THSD7B: variants seen among roughly 807,000 people sequenced by gnomAD.
THSD7B encodes thrombospondin type-1 domain-containing protein 7B.
In THSD7B, 138 loss-of-function variants were observed where a neutral mutation model predicts 213.6. That is an observed-to-expected ratio of 0.65 (90% CI 0.56 to 0.74). The LOEUF is 0.74. Ranked by LOEUF, THSD7B falls within the 30% of genes least tolerant of loss-of-function variation. The pLI, the probability that THSD7B is intolerant of heterozygous loss-of-function variation, is 0.00. For synonymous variants in THSD7B, 742 were observed against 687.0 expected, an observed-to-expected ratio of 1.08 and a Z score of -1.25; for missense variants, 1,931 against 1,991.5, an observed-to-expected ratio of 0.97 and a Z score of 0.58.
At chr2:137,660,093 A>G (rs1201061775) in intron 25 of THSD7B, among the ~76,000 whole-genome samples, 3 of 152,210 alleles carry the variant, frequency 2.0e-5, no homozygotes, top group Non-Finnish European at 4.4e-5. Context: ...CATATTTGCT[A>G]AAGTTATTAT....
intron 12 of THSD7B, among the ~76,000 whole-genome samples, chr2:137,336,337 C>T (rs1442473387): frequency 6.6e-6 from 1 of 152,202 alleles, no homozygotes; most frequent in Non-Finnish European, 1.5e-5. Flanking sequence ...ATGATGGCAT[C>T]TGTCTTTACT....
At chr2:137,332,461 CA>C (rs1473823012) in intron 12 of THSD7B, among the ~76,000 whole-genome samples, 1 of 152,082 alleles carries the variant, frequency 6.6e-6, no homozygotes, top group African/African-American at 2.4e-5. Flanking sequence ...TTTACAGGCT[CA>C]GAGGTGGAAA....
intron 10 of THSD7B, among the ~76,000 whole-genome samples, chr2:137,264,367 C>T (rs965795978): frequency 2.0e-5 from 3 of 151,946 alleles, no homozygotes; most frequent in African/African-American, 4.8e-5. Context: ...ATTCTCCTGC[C>T]TCACCCTCCT....
At chr2:136,775,180 G>A (rs554489624) in intron 1 of THSD7B, among the ~76,000 whole-genome samples, 9 of 152,166 alleles carry the variant, frequency 5.9e-5, no homozygotes, top group South Asian at 2.1e-4. Flanking sequence ...TTTTTGGATC[G>A]TTGCCACCTT....
rs1049123078 is a variant in THSD7B, at chr2:137,186,589, T to C, written c.1723+15651T>C. On this transcript the variant is annotated intron_variant, in intron 7 of 27. Transcript: ENST00000409968. Reference sequence around the variant, plus strand: ...ATCTTTTTGTCTGTGTTTGTACCCATACTATGTTGGTTTGATTACTGTTGT... The same window carrying C: ...ATCTTTTTGTCTGTGTTTGTACCCACACTATGTTGGTTTGATTACTGTTGT... Among the ~76,000 whole-genome samples the C allele has an allele frequency of 5.3e-5, 8 of 152,190 alleles. No individual in the cohort carries two copies. The East Asian group carries it at 1.5e-3, about 29-fold the overall frequency.
chr2:137,438,666 G>A (rs1157220603), intron 14 of THSD7B, among the ~76,000 whole-genome samples: 2 of 151,996 alleles, frequency 1.3e-5, no homozygotes, highest in South Asian at 2.1e-4. Flanking sequence ...CGTTGAGGTG[G>A]GATATAAGCC....
At chr2:137,412,884 TC>T (rs1162272008) in intron 14 of THSD7B, among the ~76,000 whole-genome samples, 1 of 146,742 alleles carries the variant, frequency 6.8e-6, no homozygotes, top group Non-Finnish European at 1.5e-5. Flanking sequence ...GCTCTGTTTT[TC>T]TTTCTTTCTT....
intron 2 of THSD7B, among the ~76,000 whole-genome samples, chr2:137,009,323 T>A (rs1686179093): frequency 1.3e-5 from 2 of 152,172 alleles, no homozygotes; most frequent in Admixed American, 6.5e-5. Context: ...ACAGCAGTAT[T>A]TTTCAATCTT....
chr2:137,220,338 A>T (rs1249919116), intron 7 of THSD7B, among the ~76,000 whole-genome samples: 1 of 151,508 alleles, frequency 6.6e-6, no homozygotes, highest in Non-Finnish European at 1.5e-5. Context: ...ACTCAACAAT[A>T]AAAAAAAATC....
chr2:136,791,394 T>C (rs1375582528), intron 1 of THSD7B, among the ~76,000 whole-genome samples: 1 of 151,944 alleles, frequency 6.6e-6, no homozygotes, highest in Non-Finnish European at 1.5e-5. Context: ...CCAAAGAGTT[T>C]ACCCATTTAA....
At chr2:137,280,759 T>G (rs1190194630) in intron 12 of THSD7B, among the ~76,000 whole-genome samples, 2 of 152,110 alleles carry the variant, frequency 1.3e-5, no homozygotes, top group African/African-American at 4.8e-5. Flanking sequence ...GGAAGAAACT[T>G]AAACATAATA....
chr2:136,913,508 C>A (rs867570637), intron 2 of THSD7B, among the ~76,000 whole-genome samples: 1 of 152,242 alleles, frequency 6.6e-6, no homozygotes, highest in Non-Finnish European at 1.5e-5. Flanking sequence ...GCCTTCATGG[C>A]AGCCCCTCCC....
At chr2:137,250,610 C>A (rs1474713977) in intron 10 of THSD7B, among the ~76,000 whole-genome samples, 1 of 152,174 alleles carries the variant, frequency 6.6e-6, no homozygotes, top group Non-Finnish European at 1.5e-5. Context: ...GCTGAATGAT[C>A]CTGCGTTTCA....
intron 1 of THSD7B, among the ~76,000 whole-genome samples, chr2:136,779,186 CTA>C (rs58403336): frequency 0.17 from 23,882 of 141,258 alleles, 2,466 homozygotes; most frequent in Admixed American, 0.24. Context: ...TGTTAAAAGG[CTA>C]TATATATATA....
intron 17 of THSD7B, among the ~76,000 whole-genome samples, chr2:137,576,416 G>A (rs902594802): frequency 2.0e-5 from 3 of 152,092 alleles, no homozygotes; most frequent in Admixed American, 6.6e-5. Flanking sequence ...CCTTCACATA[G>A]TGGGAATTAG....
intron 27 of THSD7B, among the ~76,000 whole-genome samples, chr2:137,672,789 T>A (rs1271224806): frequency 6.6e-6 from 1 of 152,182 alleles, no homozygotes; most frequent in Non-Finnish European, 1.5e-5. Flanking sequence ...GTCAAAAAAA[T>A]AGCCTTCTAA....
intron 1 of THSD7B, among the ~76,000 whole-genome samples, chr2:136,767,800 T>C (rs1457927865): frequency 1.3e-5 from 2 of 152,190 alleles, no homozygotes; most frequent in Non-Finnish European, 2.9e-5. Flanking sequence ...CTACTGTTGG[T>C]GGACTTTGAT....
At chr2:137,425,867 C>T (rs1687043998) in intron 14 of THSD7B, among the ~76,000 whole-genome samples, 2 of 152,038 alleles carry the variant, frequency 1.3e-5, no homozygotes, top group Non-Finnish European at 2.9e-5. Context: ...AAGTTAAAGG[C>T]ATCAAAAACA....
At chr2:136,823,609 A>G (rs1007726444) in intron 1 of THSD7B, among the ~76,000 whole-genome samples, 1 of 151,980 alleles carries the variant, frequency 6.6e-6, no homozygotes, top group Non-Finnish European at 1.5e-5. Flanking sequence ...TTTTCATGAC[A>G]TTCCCATTTG....
Sources: gnomAD v4.1 joint callset for allele counts (sites outside exome capture counted in the v4.1 genomes callset) on GRCh38, gnomAD v4.1.1 for gene constraint, MANE v1.5 for transcripts, NCBI Gene and HGNC (gene_info 2026-07-23, HGNC 2026-07-21) for gene names.